Variants in SRPK1 observed in about 807,000 individuals in gnomAD.
The protein encoded by SRPK1 is SRSF protein kinase 1.
A neutral mutation model predicts 89.5 loss-of-function variants in SRPK1; 52 were observed. That is an observed-to-expected ratio of 0.58 (90% confidence interval 0.46 to 0.73). The LOEUF (loss-of-function observed/expected upper bound fraction) is 0.73, where lower values mean the gene tolerates loss of function less well. SRPK1 is among the 30% of genes least tolerant of loss of function. SRPK1 has a pLI of 0.00. For synonymous variants in SRPK1, 255 were observed against 270.2 expected, an observed-to-expected ratio of 0.94 and a Z score of 0.55; for missense variants, 603 against 780.6, an observed-to-expected ratio of 0.77 and a Z score of 2.71.
At chr6:35,904,492 AT>A (rs1476993221) in intron 2 of SRPK1, among the ~76,000 whole-genome samples, 1 of 152,222 alleles carries the variant, frequency 6.6e-6, no homozygotes, top group Non-Finnish European at 1.5e-5. Context: ...AAACAAAAGT[AT>A]ACAATGGTTT....
chr6:35,847,204 A>C (rs1231103382), intron 13 of SRPK1, among the ~76,000 whole-genome samples: 1 of 152,344 alleles, frequency 6.6e-6, no homozygotes. Flanking sequence ...CAGTTAGCTG[A>C]TAACATAACT....
chr6:35,854,239 C>A (rs1332137844), intron 13 of SRPK1, among the ~76,000 whole-genome samples: 1 of 152,150 alleles, frequency 6.6e-6, no homozygotes, highest in African/African-American at 2.4e-5. Context: ...GTATAAGCCA[C>A]TACACCTGGG....
intron 15 of SRPK1, 45 bp downstream of exon 15, chr6:35,838,292 T>A: frequency 1.5e-6 from 2 of 1,378,874 alleles, no homozygotes; most frequent in Non-Finnish European, 2.0e-6. Context: ...TCTTCATTTT[T>A]AAACACTTCT....
At chr6:35,869,148 G>C (rs768260195) in intron 11 of SRPK1, 38 bp from the exon 12 acceptor site, 2 of 1,520,802 alleles carry the variant, frequency 1.3e-6, no homozygotes, top group Admixed American at 3.6e-5. Context: ...ACTGTTCAAT[G>C]AACAGAGAAA....
intron 12 of SRPK1, among the ~76,000 whole-genome samples, chr6:35,866,791 A>C (rs537446389): frequency 2.0e-4 from 30 of 152,320 alleles, no homozygotes; most frequent in Non-Finnish European, 4.1e-4. Context: ...CTAGGAGTAG[A>C]TAAAGAAAAT....
intron 2 of SRPK1, among the ~76,000 whole-genome samples, chr6:35,910,379 C>A (rs1770935356): frequency 6.6e-6 from 1 of 152,134 alleles, no homozygotes; most frequent in Admixed American, 6.5e-5. Flanking sequence ...CAATCCAGAG[C>A]AAGGCCCTGG....
chr6:35,907,431 C>G (rs535319894), intron 2 of SRPK1, among the ~76,000 whole-genome samples: 4 of 151,926 alleles, frequency 2.6e-5, no homozygotes, highest in African/African-American at 7.3e-5. Context: ...TGAGGCTGGG[C>G]GCGATGGCTC....
At chr6:35,920,261 CG>C (rs1562002605) in intron 2 of SRPK1, 2 of 644,704 alleles carry the variant, frequency 3.1e-6, no homozygotes, top group Non-Finnish European at 5.8e-6. Context: ...CCAGCAGGCC[CG>C]GGGCTGCTAA....
rs745857336 is a variant in SRPK1 at position 35,838,340 on chromosome 6, T to C, written c.1780A>G (p.Lys594Glu). The C allele has an allele frequency of 6.4e-7, 1 of 1,566,540 alleles. No homozygotes were observed. Among genetic ancestry groups the C allele is most frequent in the South Asian group, 1.2e-5 (1 of 81,610 alleles). The change falls in exon 15 of 16, where the codon AAA becomes GAA. Residue 594 changes from lysine (K) to glutamate (E), a missense_variant. By Grantham distance (56) the Lys-to-Glu change is moderately conservative (BLOSUM62 1). Coordinates refer to ENST00000373825, the MANE Select transcript of SRPK1 (RefSeq NM_003137.5). ...TCTGGGAACACATTTACTTTACCTTTTTTGGTGAAAAATTCCTTGGAATAT... is the reference window on the plus strand; with the variant it reads ...TCTGGGAACACATTTACTTTACCTTCTTTGGTGAAAAATTCCTTGGAATAT... ...GKYSKEFFTK[K>E]GDLKHITKLK...
intron 2 of SRPK1, among the ~76,000 whole-genome samples, chr6:35,913,969 CTTTTTTT>C (rs545555860): frequency 3.6e-4 from 33 of 92,940 alleles, no homozygotes; most frequent in Non-Finnish European, 3.9e-4. Flanking sequence ...GATACTTTCT[CTTTTTTT>C]TTTTTTTTTT....
chr6:35,877,791 AACCACTGC>A (rs1200056754), intron 6 of SRPK1, among the ~76,000 whole-genome samples: 5 of 151,712 alleles, frequency 3.3e-5, no homozygotes, highest in Non-Finnish European at 5.9e-5. Context: ...TGCAGTGAGC[AACCACTGC>A]ACCACTGCAC....
chr6:35,851,458 G>A (rs1055564549), intron 13 of SRPK1, among the ~76,000 whole-genome samples: 86 of 152,246 alleles, frequency 5.6e-4, no homozygotes, highest in African/African-American at 2.0e-3. Context: ...ACAGGCATGA[G>A]CTATTGTGCC....
At chr6:35,899,409 C>T (rs188422659) in intron 2 of SRPK1, among the ~76,000 whole-genome samples, 29 of 152,232 alleles carry the variant, frequency 1.9e-4, no homozygotes, top group African/African-American at 6.5e-4. Flanking sequence ...CCCCTTAACC[C>T]GCTACTTTTC....
intron 12 of SRPK1, among the ~76,000 whole-genome samples, chr6:35,863,977 T>C (rs957904642): frequency 1.3e-5 from 2 of 152,190 alleles, no homozygotes; most frequent in Non-Finnish European, 2.9e-5. Context: ...CTGGGAAAAC[T>C]GGATACCCAT....
chr6:35,882,106 GTAGTAGTAGTAC>G (rs1326115879), intron 6 of SRPK1, among the ~76,000 whole-genome samples: 2 of 135,322 alleles, frequency 1.5e-5, no homozygotes, highest in Admixed American at 7.8e-5. Context: ...AGTAGCAATA[GTAGTAGTAGTAC>G]TAGTAGTAGT....
At chr6:35,841,067 T>C (rs1314432210) in intron 14 of SRPK1, among the ~76,000 whole-genome samples, 1 of 152,090 alleles carries the variant, frequency 6.6e-6, no homozygotes, top group African/African-American at 2.4e-5. Flanking sequence ...AAAAAATTAA[T>C]TACCCTCCCA....
chr6:35,835,793 G>A (rs556505271), intron 15 of SRPK1, among the ~76,000 whole-genome samples: 1 of 152,044 alleles, frequency 6.6e-6, no homozygotes, highest in Non-Finnish European at 1.5e-5. Context: ...AAATAAACAT[G>A]AAATGCCTAT....
chr6:35,892,441 CA>C lies in SRPK1; in HGVS notation c.75-1429del, dbSNP rs1317261033. ...CTGAGGCAGGTAGATCATTTGAGGC[CA>C]GGGGTTTGAGACCAGCCTGGCCAAC... On this transcript the variant is annotated intron_variant, in intron 2 of 15. Coordinates refer to ENST00000373825, the MANE Select transcript of SRPK1 (RefSeq NM_003137.5). Among the ~76,000 whole-genome samples the C allele has an allele frequency of 4.6e-5, 7 of 152,168 alleles. No individual in the cohort carries two copies. The South Asian group carries it at 1.5e-3, about 32-fold the overall frequency.
intron 12 of SRPK1, among the ~76,000 whole-genome samples, chr6:35,863,510 T>C (rs1272865089): frequency 6.6e-6 from 1 of 151,590 alleles, no homozygotes; most frequent in African/African-American, 2.4e-5. Flanking sequence ...TAATTTTTTT[T>C]TCAGTTTAGA....
Sources: gnomAD v4.1 joint callset for allele counts (sites outside exome capture counted in the v4.1 genomes callset) on GRCh38, gnomAD v4.1.1 for gene constraint, MANE v1.5 for transcripts, NCBI Gene and HGNC (gene_info 2026-07-23, HGNC 2026-07-21) for gene names.